Variants in FAM184B observed in about 807,000 individuals in gnomAD.
The protein encoded by FAM184B is protein FAM184B.
FAM184B carries 111 observed loss-of-function variants against 135.9 expected under a neutral mutation model. The ratio of observed to expected loss-of-function variants is 0.82; its 90% CI spans 0.70 to 0.96. The LOEUF (loss-of-function observed/expected upper bound fraction) is 0.96. FAM184B is among the 40% of genes least tolerant of loss of function. FAM184B has a pLI of 0.00. For missense variants in FAM184B, 1,375 were observed against 1,323.9 expected (o/e 1.04, Z -0.60); for synonymous variants, 552 against 524.8 (o/e 1.05, Z -0.71).
At position 17,720,651 on chromosome 4, in the gene FAM184B, G is replaced by T. The variant is rs186417421; in HGVS notation, c.142-11007C>A. ...GTCTGTAATCCCAGCACTTTGGGAGGCTGAGGGGGGCAGATCATGAGGTCA... is the reference window on the plus strand; with the variant it reads ...GTCTGTAATCCCAGCACTTTGGGAGTCTGAGGGGGGCAGATCATGAGGTCA... On this transcript the variant is annotated intron_variant, in intron 1 of 17. Coordinates refer to ENST00000265018, the MANE Select transcript of FAM184B (RefSeq NM_015688.2). 6.2e-4 allele frequency among the ~76,000 whole-genome samples: 94 copies of T among 152,134 alleles called. 1 individual carries two copies. The highest frequency in any genetic ancestry group is 1.1e-3 in the Non-Finnish European group (75 of 67,992).
chr4:17,727,745 C>A (rs1717675652), intron 1 of FAM184B, among the ~76,000 whole-genome samples: 1 of 152,118 alleles, frequency 6.6e-6, no homozygotes, highest in Non-Finnish European at 1.5e-5. Flanking sequence ...CACTTCCCAC[C>A]AAGTCCTTCC....
rs1714949898 is a variant in FAM184B, at chr4:17,631,706, GA to G, written c.*825del. On this transcript the variant is annotated 3_prime_UTR_variant, in exon 18 of 18. Transcript: ENST00000265018. ...GCTGCTTGTCTTAGACCAAGGAAGT[GA>G]AAGTATTCAGTCCAAGCATGCTACC... 1 of 152,322 alleles carries G rather than the reference GA, an allele frequency of 6.6e-6. No individual in the cohort carries two copies. Among genetic ancestry groups the G allele is most frequent in the South Asian group, 2.1e-4 (1 of 4,830 alleles). 9.4% of individuals were successfully genotyped at this position (152,322 alleles called of 1,614,324 possible). A position where few individuals can be genotyped will look rare whatever the true frequency, so the allele number is the denominator to read the frequency against.
At chr4:17,725,376 T>A (rs1045107492) in intron 1 of FAM184B, among the ~76,000 whole-genome samples, 1 of 152,222 alleles carries the variant, frequency 6.6e-6, no homozygotes, top group Non-Finnish European at 1.5e-5. Flanking sequence ...GGCATGTAAT[T>A]ATTATCCCCA....
chr4:17,701,794 G>A (rs764268638), intron 5 of FAM184B, among the ~76,000 whole-genome samples: 7 of 152,190 alleles, frequency 4.6e-5, no homozygotes, highest in Non-Finnish European at 1.0e-4. Context: ...ACAGTGTGAC[G>A]TAGCTAATGT....
intron 6 of FAM184B, among the ~76,000 whole-genome samples, chr4:17,689,370 C>T (rs1716669110): frequency 6.6e-6 from 1 of 152,096 alleles, no homozygotes; most frequent in Non-Finnish European, 1.5e-5. Flanking sequence ...ATAAAGGAAA[C>T]TTTGACTTTC....
chr4:17,727,672 C>T (rs1183510770), intron 1 of FAM184B, among the ~76,000 whole-genome samples: 2 of 152,152 alleles, frequency 1.3e-5, no homozygotes, highest in African/African-American at 4.8e-5. Context: ...TTCAGATCAA[C>T]AGAACTCATG....
chr4:17,703,312 A>C (rs954478371), intron 5 of FAM184B, among the ~76,000 whole-genome samples: 1 of 151,868 alleles, frequency 6.6e-6, no homozygotes, highest in African/African-American at 2.4e-5. Context: ...GCTGGGCAAC[A>C]TGGTGAGATC....
At chr4:17,647,102 T>A (rs1715488135) in intron 12 of FAM184B, among the ~76,000 whole-genome samples, 1 of 151,046 alleles carries the variant, frequency 6.6e-6, no homozygotes, top group African/African-American at 2.4e-5. Flanking sequence ...GTCTGAATTA[T>A]AAATAACATG....
chr4:17,749,074 T>C (rs894187010), intron 1 of FAM184B, among the ~76,000 whole-genome samples: 1 of 151,402 alleles, frequency 6.6e-6, no homozygotes, highest in Non-Finnish European at 1.5e-5. Flanking sequence ...CTTCAAGCGA[T>C]TCTCCTACTT....
At position 17,649,660 on chromosome 4, in the gene FAM184B, TA is replaced by T. The variant is rs377422228; in HGVS notation, c.2192-1870del. Among the ~76,000 whole-genome samples, 129 of 151,480 alleles carry T rather than the reference TA, an allele frequency of 8.5e-4. 1 individual carries two copies. Among genetic ancestry groups the T allele is most frequent in the East Asian group, 3.9e-3 (20 of 5,162 alleles). On this transcript the variant is annotated intron_variant, in intron 11 of 17. Coordinates refer to ENST00000265018, the MANE Select transcript of FAM184B (RefSeq NM_015688.2). ...AAGTGATTTCTATAGCTTATTTTCT[TA>T]AAAAAAAATCCAAACATAACCCCAT...
At position 17,705,088 on chromosome 4, in the gene FAM184B, T is replaced by C. The variant is rs1241949146; in HGVS notation, c.1289A>G (p.Lys430Arg). The C allele has an allele frequency of 6.4e-7, 1 of 1,551,784 alleles. No homozygotes were observed. The highest frequency in any genetic ancestry group is 2.0e-5 in the Admixed American group (1 of 51,016). ...CTTCTTTACCAAGTCTTCTAGTCGC[T>C]TCACTAGCTGGTCTTTGAGATGTTT... ...EKKHLKDQLV[K>R]RLEDLVKKHT... Residue 430 changes from lysine (K) to arginine (R), a missense_variant, in exon 5 of 18, where the codon AAG becomes AGG. Lys to Arg is a conservative substitution (Grantham distance 26). Transcript: ENST00000265018.
intron 1 of FAM184B, among the ~76,000 whole-genome samples, chr4:17,751,868 A>ACACAC (rs1382691924): frequency 1.4e-3 from 82 of 56,992 alleles, no homozygotes; most frequent in Non-Finnish European, 1.8e-3. Flanking sequence ...CACACACACA[A>ACACAC]AAGAACCAGG....
At position 17,739,448 on chromosome 4, in the gene FAM184B, G is replaced by A. The variant is rs987382215; in HGVS notation, c.142-29804C>T. Reference sequence around the variant, plus strand: ...ATTCGAGGTTCCTGGGAGAGGCGACGTTAGCCAGGCAGAATCTGGGTGAAG... The same window carrying A: ...ATTCGAGGTTCCTGGGAGAGGCGACATTAGCCAGGCAGAATCTGGGTGAAG... On this transcript the variant is annotated intron_variant, in intron 1 of 17. Transcript: ENST00000265018. Among the ~76,000 whole-genome samples, 18 of 151,730 alleles carry A rather than the reference G, an allele frequency of 1.2e-4. No homozygotes were observed. The East Asian group carries it at 1.4e-3, about 11-fold the overall frequency.
chr4:17,717,937 GT>G, intron 1 of FAM184B, among the ~76,000 whole-genome samples: 1 of 152,290 alleles, frequency 6.6e-6, no homozygotes. Context: ...GGGGAAAGCC[GT>G]GATTACTTTT....
intron 1 of FAM184B, among the ~76,000 whole-genome samples, chr4:17,769,878 T>G (rs991947576): frequency 1.8e-4 from 27 of 152,132 alleles, no homozygotes; most frequent in Admixed American, 8.5e-4. Flanking sequence ...TCCCTACCCT[T>G]AGGCAATAAA....
intron 1 of FAM184B, among the ~76,000 whole-genome samples, chr4:17,746,474 T>A (rs1718167282): frequency 6.6e-6 from 1 of 151,688 alleles, no homozygotes; most frequent in Non-Finnish European, 1.5e-5. Context: ...CTCATGCCTG[T>A]GATCCCAGCA....
chr4:17,765,829 A>T (rs1046642515), intron 1 of FAM184B, among the ~76,000 whole-genome samples: 3 of 152,158 alleles, frequency 2.0e-5, no homozygotes, highest in African/African-American at 7.2e-5. Flanking sequence ...TCTGATATTC[A>T]GATGTGTTCT....
intron 1 of FAM184B, among the ~76,000 whole-genome samples, chr4:17,742,538 CT>C (rs1231001389): frequency 6.6e-6 from 1 of 152,084 alleles, no homozygotes; most frequent in Non-Finnish European, 1.5e-5. Flanking sequence ...TTTGGCCTGC[CT>C]CGCCCTGCCC....
chr4:17,634,959 C>G, intron 16 of FAM184B, 50 bp downstream of exon 16: 2 of 1,353,008 alleles, frequency 1.5e-6, no homozygotes, highest in Middle Eastern at 1.8e-4. Flanking sequence ...TTAAGAAAAA[C>G]GAAACCAATG....
Sources: gnomAD v4.1 joint callset for allele counts (sites outside exome capture counted in the v4.1 genomes callset) on GRCh38, gnomAD v4.1.1 for gene constraint, MANE v1.5 for transcripts, NCBI Gene and HGNC (gene_info 2026-07-23, HGNC 2026-07-21) for gene names.